Variants in GPATCH2L observed in about 807,000 individuals in gnomAD.
GPATCH2L encodes the protein G patch domain-containing protein 2-like.
Under a neutral mutation model 57.4 loss-of-function variants are expected in GPATCH2L, and 31 were observed. The ratio of observed to expected loss-of-function variants is 0.54; its 90% CI spans 0.41 to 0.73. The LOEUF (loss-of-function observed/expected upper bound fraction) is 0.73. Among genes scored for constraint, GPATCH2L ranks in the 30% least tolerant of loss-of-function variants. GPATCH2L has a pLI of 0.00. For missense variants in GPATCH2L, 481 were observed against 599.9 expected, an observed-to-expected ratio of 0.80 and a Z score of 2.07; for synonymous variants, 199 against 210.7, an observed-to-expected ratio of 0.94 and a Z score of 0.48.
chr14:76,181,514 T>C (rs952449833), intron 8 of GPATCH2L, among the ~76,000 whole-genome samples: 3 of 152,240 alleles, frequency 2.0e-5, no homozygotes, highest in Non-Finnish European at 4.4e-5. Flanking sequence ...GTTTGGTTTT[T>C]CTTTTTTAAT....
At chr14:76,168,086 A>C (rs1047163915) in intron 3 of GPATCH2L, among the ~76,000 whole-genome samples, 1 of 152,198 alleles carries the variant, frequency 6.6e-6, no homozygotes, top group Admixed American at 6.5e-5. Context: ...CTTCAGCTTC[A>C]CACATTCTGG....
intron 8 of GPATCH2L, among the ~76,000 whole-genome samples, chr14:76,182,804 A>G (rs984287472): frequency 2.0e-5 from 3 of 152,160 alleles, no homozygotes; most frequent in African/African-American, 7.2e-5. Context: ...GACAACTACA[A>G]TAAAGGTTTG....
intron 7 of GPATCH2L, chr14:76,178,275 C>A: frequency 6.8e-7 from 1 of 1,474,166 alleles, no homozygotes; most frequent in Non-Finnish European, 9.0e-7. Flanking sequence ...ACATCAGAAT[C>A]CTGCGTTGAG....
intron 4 of GPATCH2L, among the ~76,000 whole-genome samples, chr14:76,172,415 G>T (rs1026152180): frequency 2.0e-5 from 3 of 152,170 alleles, no homozygotes; most frequent in Non-Finnish European, 4.4e-5. Context: ...ACATATAATG[G>T]TGTTTTTAAA....
At chr14:76,200,477 AGT>A in intron 9 of GPATCH2L, among the ~76,000 whole-genome samples, 1 of 152,044 alleles carries the variant, frequency 6.6e-6, no homozygotes, top group Admixed American at 6.5e-5. Context: ...GTTTGTTGTG[AGT>A]GTGTGTGTAT....
chr14:76,157,919 A>G (rs191522836), intron 2 of GPATCH2L, among the ~76,000 whole-genome samples: 10 of 152,166 alleles, frequency 6.6e-5, no homozygotes, highest in Admixed American at 4.6e-4. Context: ...TAGAGATCAA[A>G]CTATTATTTT....
rs771640619 is a variant in GPATCH2L at position 76,154,390 on chromosome 14, C to T, written c.27C>T (p.Ala9=). The change falls in exon 2 of 10, where the codon GCC becomes GCT. Residue 9 remains alanine (A), a synonymous_variant. Transcript: ENST00000261530. This position sits in a 1 kb window ranked among gnomAD's most constrained non-coding sequence, Gnocchi z 4.4. ...TGGATGAGCTGGTACACGACTTAGC[C>T]TCAGCCTTGGAGCAGACATCTGAGC... is the stretch of plus-strand genomic sequence containing the variant. MDELVHDL[A]SALEQTSEQN... 4 of 1,604,188 alleles carry T rather than the reference C, an allele frequency of 2.5e-6. No individual in the cohort carries two copies. Among genetic ancestry groups the T allele is most frequent in the South Asian group, 1.1e-5 (1 of 90,912 alleles).
exon 2 of GPATCH2L, chr14:76,229,818 G>A (rs2040552663): frequency 6.6e-6 from 1 of 152,120 alleles, no homozygotes; most frequent in Admixed American, 6.5e-5. Context: ...GTGGTAGAAG[G>A]ACAGCCCCCC....
At position 76,201,901 on chromosome 14, in the gene GPATCH2L, T is replaced by C. The variant is rs534584311; in HGVS notation, c.*50T>C. 18 of 1,525,546 alleles carry C rather than the reference T, an allele frequency of 1.2e-5. No homozygotes were observed. In the African/African-American group the frequency reaches 2.2e-4, roughly 19 times the overall value. The allele number at this position is 1,525,546 out of a possible 1,614,324, so 94.5% of individuals were successfully genotyped here. A position where few individuals can be genotyped will look rare whatever the true frequency, so the allele number is the denominator to read the frequency against. On this transcript the variant is annotated 3_prime_UTR_variant, in exon 10 of 10. Transcript: ENST00000261530. ...GCTGACTGGGTGTTGCTGAAGCAAA[T>C]GTTGGACTTTGTGTTAGATAGTCTT...
chr14:76,175,794 G>A (rs2039296684), intron 5 of GPATCH2L: 1 of 152,170 alleles, frequency 6.6e-6, no homozygotes, highest in Non-Finnish European at 1.5e-5. Context: ...AGACACAAAT[G>A]TGTTTGAAGA....
intron 2 of GPATCH2L, among the ~76,000 whole-genome samples, chr14:76,231,622 T>TACACACACACAC (rs60488808): frequency 0.16 from 23,305 of 147,254 alleles, 2,212 homozygotes; most frequent in Middle Eastern, 0.25. Context: ...ACTAAACACA[T>TACACACACACAC]ACACACACAC....
At chr14:76,187,486 C>A (rs1276481012) in intron 8 of GPATCH2L, among the ~76,000 whole-genome samples, 4 of 151,944 alleles carry the variant, frequency 2.6e-5, no homozygotes, top group Admixed American at 2.6e-4. Context: ...ACTTTGGTCC[C>A]TAGAAATATC....
At chr14:76,161,852 G>A (rs769117518) in intron 2 of GPATCH2L, among the ~76,000 whole-genome samples, 37 of 152,096 alleles carry the variant, frequency 2.4e-4, no homozygotes, top group Non-Finnish European at 1.2e-4. Context: ...CCTGACCAAT[G>A]TGGTGAAACC....
chr14:76,191,566 A>C (rs1026189092), intron 8 of GPATCH2L, among the ~76,000 whole-genome samples: 2 of 152,028 alleles, frequency 1.3e-5, no homozygotes, highest in African/African-American at 4.8e-5. Flanking sequence ...TCCTGCCTCT[A>C]AATCCTCTTG....
intron 1 of GPATCH2L, among the ~76,000 whole-genome samples, chr14:76,152,233 G>A (rs1347783076): frequency 6.6e-6 from 1 of 152,136 alleles, no homozygotes; most frequent in African/African-American, 2.4e-5. Flanking sequence ...TCTCTGGGGC[G>A]GGCTGCAGCC....
chr14:76,154,664 A>G lies in GPATCH2L; in HGVS notation c.301A>G (p.Asn101Asp), dbSNP rs1238045064. Residue 101 changes from asparagine to aspartate, a missense_variant, in exon 2 of 10, where the codon AAT becomes GAT. Transcript: ENST00000261530. The surrounding 1 kb of genome is among the most constrained non-coding windows in gnomAD (Gnocchi z 4.4). ...GGTAGCCAAACGACACCCAGCTCTC[A>G]ATGCCATTGTCAAGAGTAAGCAACA... ...TMVAKRHPAL[N>D]AIVKSKQHSW... The G allele has an allele frequency of 1.2e-6, 2 of 1,614,042 alleles. No homozygotes were observed. Among genetic ancestry groups the G allele is most frequent in the Non-Finnish European group, 1.7e-6 (2 of 1,179,876 alleles).
intron 8 of GPATCH2L, among the ~76,000 whole-genome samples, chr14:76,194,293 G>T (rs1425557361): frequency 6.6e-6 from 1 of 152,120 alleles, no homozygotes; most frequent in Admixed American, 6.5e-5. Flanking sequence ...TTAATTTTCT[G>T]TACAGGACAG....
At chr14:76,171,195 G>A (rs946204538) in intron 3 of GPATCH2L, among the ~76,000 whole-genome samples, 20 of 152,064 alleles carry the variant, frequency 1.3e-4, no homozygotes, top group Middle Eastern at 3.4e-3. Context: ...TTGAGAGGCT[G>A]AGGTGGGTGG....
At chr14:76,222,165 A>G (rs1341866225) in intron 1 of GPATCH2L, among the ~76,000 whole-genome samples, 1 of 152,220 alleles carries the variant, frequency 6.6e-6, no homozygotes, top group African/African-American at 2.4e-5. Context: ...GGCACAGATT[A>G]CCAATATAAA....
Sources: gnomAD v4.1 joint callset for allele counts (sites outside exome capture counted in the v4.1 genomes callset) on GRCh38, gnomAD v4.1.1 for gene constraint, Gnocchi (gnomAD v3.1) non-coding constraint, MANE v1.5 for transcripts, NCBI Gene and HGNC (gene_info 2026-07-23, HGNC 2026-07-21) for gene names.